The following ZNF638 variants were observed in gnomAD, a reference collection of about 807,000 sequenced individuals.
The protein encoded by ZNF638 is zinc finger protein 638, also known as CTCL tumor antigen se33-1.
Under a neutral mutation model 195.6 loss-of-function variants are expected in ZNF638, and 46 were observed. That is an observed-to-expected ratio of 0.24 (90% CI 0.19 to 0.30). The LOEUF (loss-of-function observed/expected upper bound fraction) is 0.30, where lower values mean the gene tolerates loss of function less well. Ranked by LOEUF, ZNF638 falls within the 10% of genes least tolerant of loss-of-function variation. ZNF638 has a pLI of 1.00. For synonymous variants in ZNF638, 845 were observed against 772.0 expected (o/e 1.09, Z -1.57); for missense variants, 2,440 against 2,325.3 (o/e 1.05, Z -1.01).
chr2:71,408,091 A>C (rs374747970), intron 19 of ZNF638, 31 bp from the exon 20 acceptor site: 51 of 1,588,908 alleles, frequency 3.2e-5, no homozygotes, highest in Non-Finnish European at 4.1e-5. Context: ...TTTTTAAAGA[A>C]CTATTCATAA....
In ZNF638 at chr2:71,427,384, C is replaced by A. The variant is rs752032123; in HGVS notation, c.5515C>A (p.Leu1839Ile). The change falls in exon 24 of 28, where the codon CTA (leucine) becomes ATA (isoleucine). Residue 1839 changes from leucine to isoleucine, a missense_variant. Around this residue, in one of 5 missense-constraint regions of ZNF638, gnomAD observed 1,883 missense variants for 1,739.1 expected, o/e 1.08. Transcript: ENST00000264447. ...PVNENVMEEDLKTMIERHLTA... is the reference protein window; with the variant it reads ...PVNENVMEEDIKTMIERHLTA... ...AAATGAGAATGTTATGGAAGAAGAT[C>A]TAAAAACCATGATTGAAAGACACTT... The A allele has an allele frequency of 1.3e-6, 2 of 1,577,584 alleles. No homozygotes were observed. The highest frequency in any genetic ancestry group is 8.6e-7 in the Non-Finnish European group (1 of 1,169,232).
At position 71,428,602 on chromosome 2, in the gene ZNF638, T is replaced by A; in HGVS notation, c.5601T>A (p.Ala1867=). 1 of 1,614,086 alleles carries A rather than the reference T, an allele frequency of 6.2e-7. No homozygotes were observed. The highest frequency in any genetic ancestry group is 8.5e-7 in the Non-Finnish European group (1 of 1,179,996). The change falls in exon 25 of 28, where the codon GCT becomes GCA. Residue 1867 remains alanine, a synonymous_variant. Transcript: ENST00000264447. ...RIGKTLPSEK[A]VVTEPAKGEE... is the part of the protein sequence containing the mutation. ...GGAAAACTCTGCCATCAGAAAAAGC[T>A]GTTGTGACAGAACCAGCAAAAGGTG...
intron 10 of ZNF638, among the ~76,000 whole-genome samples, chr2:71,390,398 C>T (rs950711384): frequency 1.3e-5 from 2 of 152,172 alleles, no homozygotes; most frequent in African/African-American, 4.8e-5. Context: ...GGGCCCACTG[C>T]CTCCAGAACA....
chr2:71,427,540 G>T (rs1397035362), intron 24 of ZNF638, 126 bp downstream of exon 24: 6 of 620,198 alleles, frequency 9.7e-6, no homozygotes, highest in African/African-American at 1.9e-5. Flanking sequence ...CCAACAGACA[G>T]TTAAAGTCAA....
At chr2:71,353,946 C>T (rs551982665) in intron 2 of ZNF638, among the ~76,000 whole-genome samples, 1 of 152,146 alleles carries the variant, frequency 6.6e-6, no homozygotes, top group African/African-American at 2.4e-5. Context: ...TATTATTAAA[C>T]AGGATGTACA....
At chr2:71,348,557 T>G in intron 1 of ZNF638, 196 bp from the exon 2 acceptor site, 1 of 1,186,490 alleles carries the variant, frequency 8.4e-7, no homozygotes, top group African/African-American at 1.6e-5. Context: ...GTTTGGGGCT[T>G]GTGTTCTGCA....
chr2:71,388,420 C>G (rs1008816857), intron 10 of ZNF638: 1 of 678,146 alleles, frequency 1.5e-6, no homozygotes, highest in Admixed American at 2.0e-5. Flanking sequence ...CAGGACTGCT[C>G]CCTACAGGCG....
chr2:71,385,750 A>G (rs2079624246), intron 10 of ZNF638, among the ~76,000 whole-genome samples: 1 of 152,202 alleles, frequency 6.6e-6, no homozygotes, highest in Non-Finnish European at 1.5e-5. Context: ...AACTGGGTGA[A>G]GGGTATATGG....
intron 10 of ZNF638, among the ~76,000 whole-genome samples, chr2:71,389,166 G>C (rs1472252122): frequency 2.6e-5 from 4 of 152,052 alleles, no homozygotes; most frequent in Non-Finnish European, 5.9e-5. Flanking sequence ...AGATACCAAA[G>C]AGGAAACAGA....
intron 1 of ZNF638, among the ~76,000 whole-genome samples, chr2:71,334,975 G>A (rs895393087): frequency 2.0e-5 from 3 of 152,018 alleles, no homozygotes; most frequent in Non-Finnish European, 2.9e-5. Flanking sequence ...AAGGGTTTTG[G>A]TTTGAAAAGA....
intron 27 of ZNF638, among the ~76,000 whole-genome samples, chr2:71,433,744 C>G (rs973566568): frequency 6.6e-6 from 1 of 152,218 alleles, no homozygotes; most frequent in East Asian, 1.9e-4. Context: ...AGTGGTGACT[C>G]TAGTTCCTGC....
intron 7 of ZNF638, among the ~76,000 whole-genome samples, chr2:71,368,835 GC>G: frequency 6.6e-6 from 1 of 152,198 alleles, no homozygotes; most frequent in Non-Finnish European, 1.5e-5. Flanking sequence ...ATGTAAATGC[GC>G]AAGCATGGCT....
Position 71,426,860 on chromosome 2 carries a change from C to T in ZNF638, c.4991C>T (p.Thr1664Ile). 1 of 1,614,094 alleles carries T rather than the reference C, an allele frequency of 6.2e-7. No homozygotes were observed. Among genetic ancestry groups the T allele is most frequent in the East Asian group, 2.2e-5 (1 of 44,874 alleles). Residue 1664 changes from threonine to isoleucine, a missense_variant, in exon 24 of 28, where the codon ACT becomes ATT. Thr to Ile is a moderately conservative substitution (Grantham distance 89, BLOSUM62 -1). This residue lies in a region of ZNF638 where 1,883 missense variants were observed against 1,739.1 expected (regional missense o/e 1.08). Coordinates refer to ENST00000264447, the MANE Select transcript of ZNF638 (RefSeq NM_014497.5). Reference protein sequence around the residue: ...CISHSEPKDVTVLSVAEEQDL... With the variant: ...CISHSEPKDVIVLSVAEEQDL... ...TCCCACAGTGAACCTAAAGATGTTA[C>T]TGTTCTGTCAGTGGCTGAAGAACAA...
intron 25 of ZNF638, 66 bp downstream of exon 25, chr2:71,428,717 G>T: frequency 2.2e-6 from 3 of 1,381,884 alleles, no homozygotes; most frequent in South Asian, 1.3e-5. Context: ...GAAGTTTAAA[G>T]ATCTATCTAA....
At position 71,423,241 on chromosome 2, in the gene ZNF638, T is replaced by A. The variant is rs759911949; in HGVS notation, c.3727T>A (p.Ser1243Thr). The A allele has an allele frequency of 6.2e-7, 1 of 1,614,016 alleles. No homozygotes were observed. The highest frequency in any genetic ancestry group is 8.5e-7 in the Non-Finnish European group (1 of 1,179,980). Reference protein sequence around the residue: ...ERNLKGILEESPSEAEDFISG... With the variant: ...ERNLKGILEETPSEAEDFISG... ...GAACCTCAAAGGAATTCTAGAAGAA[T>A]CTCCATCTGAAGCAGAAGATTTCAT... The change falls in exon 22 of 28, where the codon TCT (serine) becomes ACT (threonine). Residue 1243 changes from serine to threonine, a missense_variant. Around this residue, in one of 5 missense-constraint regions of ZNF638, gnomAD observed 1,883 missense variants for 1,739.1 expected, o/e 1.08. Coordinates refer to ENST00000264447, the MANE Select transcript of ZNF638 (RefSeq NM_014497.5).
chr2:71,387,017 C>CT (rs962654432), intron 10 of ZNF638, among the ~76,000 whole-genome samples: 10 of 151,510 alleles, frequency 6.6e-5, no homozygotes, highest in Non-Finnish European at 1.2e-4. Context: ...CCAGCTAAAC[C>CT]TTTTTTTTCT....
rs756065787 is a variant in ZNF638, at chr2:71,348,822, T to C, written c.-133T>C. On this transcript the variant is annotated 5_prime_UTR_variant, in exon 2 of 28. Transcript: ENST00000264447. Reference sequence around the variant, plus strand: ...TGAACCTGGGCATTGCAAACCCACTTCTGTTGGGCCCATCTCCTTTGCACT... The same window carrying C: ...TGAACCTGGGCATTGCAAACCCACTCCTGTTGGGCCCATCTCCTTTGCACT... 6 of 1,597,342 alleles carry C rather than the reference T, an allele frequency of 3.8e-6. No homozygotes were observed. In the African/African-American group the frequency reaches 5.3e-5, roughly 14 times the overall value.
intron 8 of ZNF638, chr2:71,379,621 G>C (rs1017920050): frequency 3.9e-5 from 6 of 152,182 alleles, no homozygotes; most frequent in Non-Finnish European, 5.9e-5. Flanking sequence ...AAAGTTGAAA[G>C]TTCTGGACTT....
intron 6 of ZNF638, among the ~76,000 whole-genome samples, chr2:71,366,256 A>T (rs1352120357): frequency 2.0e-5 from 3 of 151,694 alleles, no homozygotes; most frequent in Admixed American, 2.0e-4. Context: ...AGGCCTTGGG[A>T]GGCTCAGGTG....
Sources: gnomAD v4.1 joint callset for allele counts (sites outside exome capture counted in the v4.1 genomes callset) on GRCh38, gnomAD v4.1.1 for gene constraint, gnomAD v4.1.1 regional missense constraint, MANE v1.5 for transcripts, NCBI Gene and HGNC (gene_info 2026-07-23, HGNC 2026-07-21) for gene names.